The following ENTHD1 variants were observed in gnomAD, a reference collection of about 807,000 sequenced individuals.
The protein encoded by ENTHD1 is ENTH domain-containing protein 1.
A neutral mutation model predicts 39.1 loss-of-function variants in ENTHD1; 23 were observed. The observed-to-expected ratio is 0.59, with a 90% CI of 0.42 to 0.83. The LOEUF is 0.83. Among genes scored for constraint, ENTHD1 ranks in the 40% least tolerant of loss-of-function variants. The pLI is 0.00. For synonymous variants in ENTHD1, 230 were observed against 258.2 expected (o/e 0.89, Z 1.05); for missense variants, 624 against 705.4 (o/e 0.88, Z 1.31).
chr22:39,890,998 A>G lies in ENTHD1; in HGVS notation c.-156+2697T>C, dbSNP rs567622011. ...AAAATGCTGTTTACATACAGCATCA[A>G]ATAACTGTGAGATTGTAACTACAGT... On this transcript the variant is annotated intron_variant, in intron 1 of 6. Transcript: ENST00000325157. Among the ~76,000 whole-genome samples the G allele has an allele frequency of 2.0e-5, 3 of 152,342 alleles. No homozygotes were observed. In the South Asian group the frequency reaches 6.2e-4, roughly 32 times the overall value.
chr22:39,872,414 C>T (rs1283447145), intron 2 of ENTHD1, among the ~76,000 whole-genome samples: 1 of 152,080 alleles, frequency 6.6e-6, no homozygotes, highest in Non-Finnish European at 1.5e-5. Context: ...TCCTAGGGTT[C>T]CCGCTTTGTC....
chr22:39,789,621 G>A (rs2065488205), intron 5 of ENTHD1, among the ~76,000 whole-genome samples: 1 of 152,012 alleles, frequency 6.6e-6, no homozygotes. Flanking sequence ...ATTATTCTGG[G>A]TACTAATTCT....
chr22:39,820,946 C>T, intron 5 of ENTHD1, 47 bp downstream of exon 5: 1 of 1,608,554 alleles, frequency 6.2e-7, no homozygotes, highest in Non-Finnish European at 8.5e-7. Flanking sequence ...CTGTACTTCA[C>T]AAAATAAAAT....
intron 6 of ENTHD1, among the ~76,000 whole-genome samples, chr22:39,755,081 G>A (rs2065174559): frequency 6.6e-6 from 1 of 152,072 alleles, no homozygotes; most frequent in South Asian, 2.1e-4. Flanking sequence ...TTTGCTGCTG[G>A]GGATGCAATA....
chr22:39,780,375 C>A (rs1408728932), intron 5 of ENTHD1, among the ~76,000 whole-genome samples: 137 of 134,070 alleles, frequency 1.0e-3, no homozygotes, highest in Admixed American at 1.1e-3. Flanking sequence ...AGACTAGTCT[C>A]AAAAAAAAAA....
At position 39,743,878 on chromosome 22, in the gene ENTHD1, G is replaced by C. The variant is rs539399665; in HGVS notation, c.1625C>G (p.Pro542Arg). ...FQSTKDFPQE[P>R]EAKNSISVLL... ...AACACTAATGGAATTCTTTGCTTCA[G>C]GTTCCTGGGGGAAGTCTTTGGTTGA... The change falls in exon 7 of 7, where the codon CCT becomes CGT. Residue 542 changes from proline to arginine, a missense_variant. By Grantham distance (103) the Pro-to-Arg change is moderately radical. Transcript: ENST00000325157. 1.9e-6 allele frequency: 3 copies of C among 1,614,112 alleles called. No homozygotes were observed. Among genetic ancestry groups the C allele is most frequent in the South Asian group, 1.1e-5 (1 of 91,078 alleles).
At chr22:39,787,043 C>A (rs917098287) in intron 5 of ENTHD1, among the ~76,000 whole-genome samples, 8 of 142,684 alleles carry the variant, frequency 5.6e-5, no homozygotes, top group African/African-American at 2.2e-4. Context: ...CAGCTTGTCA[C>A]TTCATGTCTC....
intron 3 of ENTHD1, among the ~76,000 whole-genome samples, chr22:39,840,900 C>G (rs991439037): frequency 3.9e-5 from 6 of 152,054 alleles, no homozygotes; most frequent in Admixed American, 1.3e-4. Flanking sequence ...CTACAGGCAC[C>G]CACCACTGCC....
chr22:39,862,477 G>C (rs2066149759), intron 2 of ENTHD1, among the ~76,000 whole-genome samples: 1 of 151,430 alleles, frequency 6.6e-6, no homozygotes, highest in Admixed American at 6.6e-5. Context: ...GAACTCAAGA[G>C]GTAGAGGTTG....
At chr22:39,784,581 C>T (rs960678714) in intron 5 of ENTHD1, among the ~76,000 whole-genome samples, 4 of 149,880 alleles carry the variant, frequency 2.7e-5, no homozygotes, top group Admixed American at 2.0e-4. Flanking sequence ...CACACACACA[C>T]ACTAGAATAT....
intron 3 of ENTHD1, among the ~76,000 whole-genome samples, chr22:39,850,231 C>A (rs1461203531): frequency 6.6e-6 from 1 of 152,044 alleles, no homozygotes; most frequent in Non-Finnish European, 1.5e-5. Flanking sequence ...CCAACTTTTG[C>A]TTTATATACT....
intron 2 of ENTHD1, among the ~76,000 whole-genome samples, chr22:39,872,870 G>A (rs1166257403): frequency 6.8e-6 from 1 of 148,020 alleles, no homozygotes; most frequent in African/African-American, 2.5e-5. Flanking sequence ...TTTTTTTAGA[G>A]ACAGGGTAGA....
At chr22:39,891,249 A>G (rs1339811084) in intron 1 of ENTHD1, among the ~76,000 whole-genome samples, 1 of 152,220 alleles carries the variant, frequency 6.6e-6, no homozygotes, top group African/African-American at 2.4e-5. Flanking sequence ...AACAATCTGT[A>G]CTTACCTATT....
intron 3 of ENTHD1, among the ~76,000 whole-genome samples, chr22:39,848,525 T>C (rs2066009532): frequency 6.6e-6 from 1 of 152,202 alleles, no homozygotes; most frequent in Non-Finnish European, 1.5e-5. Flanking sequence ...GTGCTGGGAT[T>C]ACAGGCATGA....
At chr22:39,876,026 T>C in intron 2 of ENTHD1, 1 of 1,613,964 alleles carries the variant, frequency 6.2e-7, no homozygotes, top group South Asian at 1.1e-5. Flanking sequence ...CTATGATGCA[T>C]CTGGCAGGAT....
intron 5 of ENTHD1, among the ~76,000 whole-genome samples, chr22:39,801,100 G>A (rs1386050726): frequency 6.6e-6 from 1 of 152,194 alleles, no homozygotes; most frequent in East Asian, 1.9e-4. Flanking sequence ...TCACAATTGA[G>A]TGATTATTTC....
chr22:39,757,651 T>G (rs2065195676), intron 6 of ENTHD1, among the ~76,000 whole-genome samples: 1 of 151,874 alleles, frequency 6.6e-6, no homozygotes, highest in African/African-American at 2.4e-5. Flanking sequence ...CACTCCAGCT[T>G]GGGTGACAAA....
At chr22:39,785,577 T>G (rs2065449866) in intron 5 of ENTHD1, among the ~76,000 whole-genome samples, 1 of 152,210 alleles carries the variant, frequency 6.6e-6, no homozygotes, top group Non-Finnish European at 1.5e-5. Context: ...TTGGCTAATG[T>G]GGCCATCCAT....
rs2065269172 is a variant in ENTHD1, at chr22:39,765,482, T to C, written c.960A>G (p.Gln320=). 3 of 1,613,822 alleles carry C rather than the reference T, an allele frequency of 1.9e-6. No individual in the cohort carries two copies. The highest frequency in any genetic ancestry group is 1.3e-5 in the African/African-American group (1 of 74,896). The change falls in exon 6 of 7, where the codon CAA becomes CAG. Residue 320 remains glutamine, a synonymous_variant. Coordinates refer to ENST00000325157, the MANE Select transcript of ENTHD1 (RefSeq NM_152512.4). ...ATGTTTTAAGACCTTCTGCAGCTGA[T>C]TGCTTTTCTAAAGGTGTTTCCAAGA... The part of the protein sequence containing the change: ...ENLLETPLEK[Q]SAAEGLKTLT...
Sources: gnomAD v4.1 joint callset for allele counts (sites outside exome capture counted in the v4.1 genomes callset) on GRCh38, gnomAD v4.1.1 for gene constraint, MANE v1.5 for transcripts, NCBI Gene and HGNC (gene_info 2026-07-23, HGNC 2026-07-21) for gene names.